The following PRPSAP1 variants were observed in gnomAD, a reference collection of about 807,000 sequenced individuals.
PRPSAP1 encodes the protein phosphoribosyl pyrophosphate synthetase associated protein 1.
Under a neutral mutation model 39.4 loss-of-function variants are expected in PRPSAP1, and 31 were observed. That is an observed-to-expected ratio of 0.79 (90% CI 0.59 to 1.06). The LOEUF (loss-of-function observed/expected upper bound fraction) is 1.06, where lower values mean the gene tolerates loss of function less well. Ranked by LOEUF, PRPSAP1 falls within the 50% of genes least tolerant of loss-of-function variation. The pLI, the probability that PRPSAP1 is intolerant of heterozygous loss-of-function variation, is 0.00. For synonymous variants in PRPSAP1, 212 were observed against 192.6 expected (o/e 1.10, Z -0.83); for missense variants, 430 against 511.6 (o/e 0.84, Z 1.54).
At position 76,313,029 on chromosome 17, in the gene PRPSAP1, C is replaced by A; in HGVS notation, c.853-13G>T. On this transcript the variant is annotated splice_polypyrimidine_tract_variant and intron_variant, in intron 8 of 9. Transcript: ENST00000446526. ...CAATAATGTCATCCTGGGAGGAGAA[C>A]AGAGTGAGTTGGTAGGAAAGAAACA... 1 of 1,612,526 alleles carries A rather than the reference C, an allele frequency of 6.2e-7. No homozygotes were observed. Among genetic ancestry groups the A allele is most frequent in the Non-Finnish European group, 8.5e-7 (1 of 1,179,466 alleles).
chr17:76,353,256 G>A (rs752587762), intron 1 of PRPSAP1: 6 of 408,166 alleles, frequency 1.5e-5, no homozygotes, highest in African/African-American at 6.3e-5. Flanking sequence ...GGCCCGCCCC[G>A]GGGTGTGGGA....
At chr17:76,351,630 T>C (rs546583690) in intron 1 of PRPSAP1, among the ~76,000 whole-genome samples, 18 of 152,164 alleles carry the variant, frequency 1.2e-4, no homozygotes, top group Non-Finnish European at 2.4e-4. Flanking sequence ...GAGGTTGCAG[T>C]AAGCCGAGAT....
At chr17:76,329,020 A>G in intron 6 of PRPSAP1, 158 bp from the exon 7 acceptor site, 1 of 868,168 alleles carries the variant, frequency 1.2e-6, no homozygotes, top group South Asian at 2.1e-5. Flanking sequence ...GCCAGCATGT[A>G]AATGACTCAA....
In PRPSAP1 at chr17:76,341,242, T is replaced by G. The variant is rs1022920450; in HGVS notation, c.290+3429A>C. Among the ~76,000 whole-genome samples, 14 of 148,928 alleles carry G rather than the reference T, an allele frequency of 9.4e-5. No individual in the cohort carries two copies. The East Asian group carries it at 1.8e-3, about 19-fold the overall frequency. On this transcript the variant is annotated intron_variant, in intron 3 of 9. Coordinates refer to ENST00000446526, the MANE Select transcript of PRPSAP1 (RefSeq NM_002766.3). ...CAATTTGACTTTTTTTTGTTTTTTTTTTTTTTTTTTTTTGAGATAAGATCT... is the reference window on the plus strand; with the variant it reads ...CAATTTGACTTTTTTTTGTTTTTTTGTTTTTTTTTTTTTGAGATAAGATCT...
At chr17:76,323,672 A>G (rs769885062) in intron 7 of PRPSAP1, among the ~76,000 whole-genome samples, 25 of 152,076 alleles carry the variant, frequency 1.6e-4, no homozygotes, top group Non-Finnish European at 3.5e-4. Context: ...TAAAACTGTA[A>G]TGGATAAGGA....
Position 76,328,877 on chromosome 17 carries a change from G to A in PRPSAP1, c.636-15C>T, listed in dbSNP as rs770030026. Reference sequence around the variant, plus strand: ...AGGACTGGGCCCTAGAAGGACAAAGGGAAATGGTGAAACTGACAGGAAGAA... The same window carrying A: ...AGGACTGGGCCCTAGAAGGACAAAGAGAAATGGTGAAACTGACAGGAAGAA... On this transcript the variant is annotated splice_polypyrimidine_tract_variant and intron_variant, in intron 6 of 9. Transcript: ENST00000446526. 2 of 1,595,614 alleles carry A rather than the reference G, an allele frequency of 1.3e-6. No individual in the cohort carries two copies. The highest frequency in any genetic ancestry group is 8.5e-7 in the Non-Finnish European group (1 of 1,171,472).
intron 3 of PRPSAP1, among the ~76,000 whole-genome samples, chr17:76,338,673 A>G (rs1331707494): frequency 6.6e-6 from 1 of 152,134 alleles, no homozygotes; most frequent in African/African-American, 2.4e-5. Flanking sequence ...ACTGCACTCC[A>G]ACCTGGGCAA....
intron 7 of PRPSAP1, among the ~76,000 whole-genome samples, chr17:76,322,815 G>A (rs759766853): frequency 1.2e-4 from 19 of 152,036 alleles, no homozygotes; most frequent in African/African-American, 2.9e-4. Flanking sequence ...GCAAAACTCC[G>A]TCTCCACAAA....
At chr17:76,327,164 A>G (rs112987481) in intron 7 of PRPSAP1, among the ~76,000 whole-genome samples, 2,422 of 150,998 alleles carry the variant, frequency 0.016, 81 homozygotes, top group African/African-American at 0.056. Flanking sequence ...CCTGACCAAC[A>G]TGGTAAAACC....
chr17:76,349,086 G>A (rs1171036067), intron 1 of PRPSAP1, among the ~76,000 whole-genome samples: 2 of 152,052 alleles, frequency 1.3e-5, no homozygotes, highest in African/African-American at 2.4e-5. Flanking sequence ...CAAGGCGGGC[G>A]GATCACCTGA....
chr17:76,313,226 G>C (rs1598514822), intron 8 of PRPSAP1: 1 of 483,368 alleles, frequency 2.1e-6, no homozygotes, highest in South Asian at 4.2e-5. Context: ...GGCGGGCGCA[G>C]TCAAGCACCT....
chr17:76,345,870 G>A, intron 2 of PRPSAP1: 2 of 421,114 alleles, frequency 4.7e-6, no homozygotes, highest in Non-Finnish European at 9.2e-6. Context: ...GGGATGCTAA[G>A]GGAGATGAGG....
At chr17:76,313,138 G>T in intron 8 of PRPSAP1, 122 bp from the exon 9 acceptor site, 1 of 1,268,054 alleles carries the variant, frequency 7.9e-7, no homozygotes, top group Non-Finnish European at 1.1e-6. Context: ...GAAAATCAGA[G>T]CTGTGTGCCT....
chr17:76,340,417 CTTTG>C (rs984531767), intron 3 of PRPSAP1, among the ~76,000 whole-genome samples: 3 of 151,774 alleles, frequency 2.0e-5, no homozygotes, highest in Admixed American at 6.6e-5. Context: ...ACTGATGATC[CTTTG>C]TTTGTCAAGT....
At chr17:76,333,269 C>A (rs1407077548) in intron 3 of PRPSAP1, among the ~76,000 whole-genome samples, 1 of 152,116 alleles carries the variant, frequency 6.6e-6, no homozygotes, top group Non-Finnish European at 1.5e-5. Context: ...CACCACCACA[C>A]GTGGCTAATT....
At position 76,344,683 on chromosome 17, in the gene PRPSAP1, T is replaced by C; in HGVS notation, c.278A>G (p.Gln93Arg). Residue 93 changes from glutamine to arginine, a missense_variant, in exon 3 of 10, where the codon CAG becomes CGG. Coordinates refer to ENST00000446526, the MANE Select transcript of PRPSAP1 (RefSeq NM_002766.3). ...SVRGQDIFII[Q>R]TIPRDVNTAV... ...TCAGTCCTCTTACCTGGGTATTGTC[T>C]GTATAATGAAAATATCTTGGCCACG... The C allele has an allele frequency of 6.4e-7, 1 of 1,573,502 alleles. No homozygotes were observed. Among genetic ancestry groups the C allele is most frequent in the Non-Finnish European group, 8.7e-7 (1 of 1,152,682 alleles).
intron 1 of PRPSAP1, among the ~76,000 whole-genome samples, chr17:76,351,715 C>A (rs1039423155): frequency 1.3e-5 from 2 of 152,068 alleles, no homozygotes; most frequent in Non-Finnish European, 2.9e-5. Context: ...AAAACAAAAT[C>A]TTACTGAGCG....
intron 7 of PRPSAP1, among the ~76,000 whole-genome samples, chr17:76,314,956 A>G (rs2071107720): frequency 6.6e-6 from 1 of 152,244 alleles, no homozygotes; most frequent in African/African-American, 2.4e-5. Context: ...CTGCCAGATC[A>G]TGAGATGGCT....
intron 7 of PRPSAP1, among the ~76,000 whole-genome samples, chr17:76,319,743 G>A (rs998491774): frequency 4.6e-5 from 7 of 151,888 alleles, no homozygotes; most frequent in African/African-American, 9.7e-5. Context: ...GTGAGCCACC[G>A]TGCCTGGCCT....
Sources: allele counts gnomAD v4.1 joint callset (sites outside exome capture counted in the v4.1 genomes callset), GRCh38; gene constraint gnomAD v4.1.1; transcripts MANE v1.5; gene names NCBI Gene and HGNC (gene_info 2026-07-23, HGNC 2026-07-21).